MCF2L2: variants seen among roughly 807,000 people sequenced by gnomAD.
MCF2L2 encodes MCF.2 cell line derived transforming sequence-like 2, also known as probable guanine nucleotide exchange factor MCF2L2.
In MCF2L2, 102 loss-of-function variants were observed where a neutral mutation model predicts 150.2. The observed-to-expected ratio is 0.68, with a 90% confidence interval of 0.58 to 0.80. The LOEUF is 0.80. MCF2L2 is among the 30% of genes least tolerant of loss of function. The pLI, the probability that MCF2L2 is intolerant of heterozygous loss-of-function variation, is 0.00. For synonymous variants in MCF2L2, 465 were observed against 491.3 expected (o/e 0.95, Z 0.71); for missense variants, 1,256 against 1,372.8 (o/e 0.91, Z 1.34).
chr3:183,200,608 G>A (rs568196537), intron 25 of MCF2L2, among the ~76,000 whole-genome samples: 10 of 152,244 alleles, frequency 6.6e-5, no homozygotes, highest in African/African-American at 1.4e-4. Context: ...CTTTTGCTGC[G>A]CAGAAACTCT....
chr3:183,216,100 G>C lies in MCF2L2; in HGVS notation c.2371-6C>G. On this transcript the variant is annotated splice_polypyrimidine_tract_variant and splice_region_variant and intron_variant, in intron 21 of 29. Transcript: ENST00000328913. ...TTGGTTCTCTTTGGCCCATCCTGTG[G>C]AAAACAAATGCCTTGTTGGAAATCA... The C allele has an allele frequency of 6.2e-7, 1 of 1,612,146 alleles. No homozygotes were observed. The highest frequency in any genetic ancestry group is 8.5e-7 in the Non-Finnish European group (1 of 1,179,150).
chr3:183,392,371 G>C (rs1330149811), intron 1 of MCF2L2, among the ~76,000 whole-genome samples: 1 of 152,152 alleles, frequency 6.6e-6, no homozygotes, highest in Admixed American at 6.5e-5. Flanking sequence ...TTGGCCTTGA[G>C]TTGCAAAGGC....
intron 1 of MCF2L2, among the ~76,000 whole-genome samples, chr3:183,423,279 A>T (rs1715979207): frequency 6.6e-6 from 1 of 152,210 alleles, no homozygotes; most frequent in African/African-American, 2.4e-5. Context: ...TATAATAATG[A>T]GCCACGGGCT....
chr3:183,302,059 C>A (rs1728876148), intron 10 of MCF2L2, among the ~76,000 whole-genome samples: 1 of 152,116 alleles, frequency 6.6e-6, no homozygotes, highest in African/African-American at 2.4e-5. Flanking sequence ...ACCAATAAAA[C>A]CTCTGGGCAT....
At chr3:183,228,424 A>T in intron 17 of MCF2L2, 58 bp from the exon 18 acceptor site, 4 of 1,204,934 alleles carry the variant, frequency 3.3e-6, no homozygotes, top group Non-Finnish European at 4.9e-6. Flanking sequence ...TAGGTAATTA[A>T]TTTTTTAAGT....
At chr3:183,404,591 G>A (rs917819459) in intron 1 of MCF2L2, among the ~76,000 whole-genome samples, 1 of 152,218 alleles carries the variant, frequency 6.6e-6, no homozygotes, top group African/African-American at 2.4e-5. Context: ...GGCTGGGCGT[G>A]GTGGCTCACG....
chr3:183,378,918 A>C (rs1360164133), intron 3 of MCF2L2: 3 of 161,394 alleles, frequency 1.9e-5, no homozygotes, highest in Non-Finnish European at 4.0e-5. Flanking sequence ...CGGAGGTTGC[A>C]GTGAGCCAAG....
Position 183,215,392 on chromosome 3 carries a change from T to A in MCF2L2, c.2496+577A>T, listed in dbSNP as rs944369893. ...GATCATACAGTTATAGGGGATGTTT[T>A]GCCTGGAATGCCTGGGACCAGCCTG... is the stretch of plus-strand genomic sequence containing the variant. On this transcript the variant is annotated intron_variant, in intron 22 of 29. Transcript: ENST00000328913. 8.9e-4 allele frequency among the ~76,000 whole-genome samples: 136 copies of A among 152,108 alleles called. 1 individual carries two copies. Among genetic ancestry groups the A allele is most frequent in the Non-Finnish European group, 1.8e-4 (12 of 68,036 alleles).
intron 3 of MCF2L2, among the ~76,000 whole-genome samples, chr3:183,354,870 G>A (rs889120399): frequency 6.6e-6 from 1 of 152,070 alleles, no homozygotes; most frequent in Non-Finnish European, 1.5e-5. Flanking sequence ...GTCAACATAG[G>A]TATGTTACTG....
chr3:183,191,155 C>T (rs143297939), intron 27 of MCF2L2, among the ~76,000 whole-genome samples: 1 of 152,170 alleles, frequency 6.6e-6, no homozygotes, highest in African/African-American at 2.4e-5. Flanking sequence ...GGATTACAGG[C>T]GTGAGCCACC....
intron 1 of MCF2L2, among the ~76,000 whole-genome samples, chr3:183,395,995 T>G (rs1714430364): frequency 2.2e-5 from 3 of 134,712 alleles, no homozygotes; most frequent in African/African-American, 2.8e-5. Flanking sequence ...CTCCAGAAAG[T>G]TCCTCGTGGC....
In MCF2L2 at chr3:183,179,988, T is replaced by C. The variant is rs1721461850; in HGVS notation, c.3105+83A>G. 1 of 1,114,496 alleles carries C rather than the reference T, an allele frequency of 9.0e-7. No individual in the cohort carries two copies. 69.0% of individuals were successfully genotyped at this position (1,114,496 alleles called of 1,614,324 possible). A position where few individuals can be genotyped will look rare whatever the true frequency, so the allele number is the denominator to read the frequency against. ...AGAATCCTGAGGAGGGGGAGAGGGA[T>C]GGAGGCTAGGGACAGGAGGCAGGAG... On this transcript the variant is annotated intron_variant, in intron 28 of 29. Coordinates refer to ENST00000328913, the MANE Select transcript of MCF2L2 (RefSeq NM_015078.4). The surrounding 1 kb of genome is among the most constrained non-coding windows in gnomAD (Gnocchi z 4.2).
chr3:183,307,670 A>T (rs531844808), intron 10 of MCF2L2, among the ~76,000 whole-genome samples: 1 of 152,228 alleles, frequency 6.6e-6, no homozygotes, highest in African/African-American at 2.4e-5. Flanking sequence ...AAGTTCAAGG[A>T]AGTGGGCAGA....
intron 23 of MCF2L2, 45 bp downstream of exon 23, chr3:183,207,563 T>C: frequency 4.1e-6 from 6 of 1,450,420 alleles, no homozygotes; most frequent in Non-Finnish European, 5.8e-6. Flanking sequence ...GATCTCTCTC[T>C]TTTCTGCATA....
intron 15 of MCF2L2, among the ~76,000 whole-genome samples, chr3:183,248,183 C>G (rs1449910317): frequency 6.6e-6 from 1 of 152,102 alleles, no homozygotes; most frequent in African/African-American, 2.4e-5. Flanking sequence ...GTTGCTCTCT[C>G]TTCCTAGGAT....
chr3:183,364,014 TGTAAA>T, intron 3 of MCF2L2, among the ~76,000 whole-genome samples: 1 of 152,046 alleles, frequency 6.6e-6, no homozygotes, highest in East Asian at 1.9e-4. Flanking sequence ...AAAGGGAAAA[TGTAAA>T]GTAAAATTTC....
chr3:183,399,937 T>C (rs1049711732), intron 1 of MCF2L2, among the ~76,000 whole-genome samples: 7 of 152,144 alleles, frequency 4.6e-5, no homozygotes, highest in African/African-American at 7.2e-5. Flanking sequence ...TTTTAAAAAA[T>C]AGAAAATACA....
rs894932409 is a variant in MCF2L2, at chr3:183,365,937, G to C, written c.275+13360C>G. 2.6e-5 allele frequency among the ~76,000 whole-genome samples: 4 copies of C among 151,540 alleles called. No individual in the cohort carries two copies. The East Asian group carries it at 7.8e-4, about 29-fold the overall frequency. On this transcript the variant is annotated intron_variant, in intron 3 of 29. Coordinates refer to ENST00000328913, the MANE Select transcript of MCF2L2 (RefSeq NM_015078.4). The stretch of plus-strand genomic sequence containing the variant: ...AAAATCAAAAACTCAATAGAATAAC[G>C]CAAAAACATGAATAGACAATTCAGT...
At chr3:183,397,794 T>C (rs1366933891) in intron 1 of MCF2L2, among the ~76,000 whole-genome samples, 1 of 152,198 alleles carries the variant, frequency 6.6e-6, no homozygotes, top group Non-Finnish European at 1.5e-5. Context: ...TCTAAGGTAA[T>C]ATTAACACAA....
Sources: gnomAD v4.1 joint callset for allele counts (sites outside exome capture counted in the v4.1 genomes callset) on GRCh38, gnomAD v4.1.1 for gene constraint, Gnocchi (gnomAD v3.1) non-coding constraint, MANE v1.5 for transcripts, NCBI Gene and HGNC (gene_info 2026-07-23, HGNC 2026-07-21) for gene names.